Variants in DAB1 observed in about 807,000 individuals in gnomAD.
DAB1 encodes the protein DAB adaptor protein 1.
In DAB1, 15 loss-of-function variants were observed where a neutral mutation model predicts 64.6. That is an observed-to-expected ratio of 0.23 (90% CI 0.16 to 0.36). DAB1 has a LOEUF of 0.36. Among genes scored for constraint, DAB1 ranks in the 10% least tolerant of loss-of-function variants. The pLI, the probability that DAB1 is intolerant of heterozygous loss-of-function variation, is 1.00. For synonymous variants in DAB1, 235 were observed against 251.9 expected (o/e 0.93, Z 0.64); for missense variants, 596 against 706.7 (o/e 0.84, Z 1.78).
At chr1:58,395,290 A>C (rs149300807) in intron 3 of DAB1, among the ~76,000 whole-genome samples, 1 of 152,252 alleles carries the variant, frequency 6.6e-6, no homozygotes, top group East Asian at 1.9e-4. Flanking sequence ...TGTTTGAGGA[A>C]CTTTGAGAAA....
chr1:57,002,523 A>C (rs1317540554), intron 14 of DAB1, among the ~76,000 whole-genome samples: 4 of 152,224 alleles, frequency 2.6e-5, no homozygotes, highest in African/African-American at 9.6e-5. Context: ...AACAATACTT[A>C]TCTGGAAGGC....
intron 4 of DAB1, among the ~76,000 whole-genome samples, chr1:58,158,778 C>A (rs1036303327): frequency 1.4e-5 from 2 of 145,634 alleles, no homozygotes; most frequent in African/African-American, 5.0e-5. Context: ...CTGGAGAAAG[C>A]AGCCTCCTGC....
chr1:57,899,737 T>G (rs541612225), intron 5 of DAB1, among the ~76,000 whole-genome samples: 21 of 152,094 alleles, frequency 1.4e-4, no homozygotes, highest in African/African-American at 5.1e-4. Flanking sequence ...ATACTTTCAT[T>G]CACCTTTCTT....
intron 5 of DAB1, among the ~76,000 whole-genome samples, chr1:58,054,998 T>C (rs764236175): frequency 2.0e-5 from 3 of 152,174 alleles, no homozygotes; most frequent in Non-Finnish European, 4.4e-5. Context: ...AATACAAACA[T>C]TATCTTACCT....
chr1:57,450,863 G>A (rs1166327159), intron 7 of DAB1, among the ~76,000 whole-genome samples: 2 of 152,176 alleles, frequency 1.3e-5, no homozygotes, highest in Non-Finnish European at 2.9e-5. Context: ...GTGTCACAGA[G>A]CTTATCTCAC....
At chr1:58,012,732 G>A (rs1646685907) in intron 5 of DAB1, among the ~76,000 whole-genome samples, 1 of 152,148 alleles carries the variant, frequency 6.6e-6, no homozygotes, top group Non-Finnish European at 1.5e-5. Context: ...GCCCTCACCA[G>A]ACAACATATC....
chr1:57,977,991 A>G (rs1048421168), intron 5 of DAB1, among the ~76,000 whole-genome samples: 1 of 152,192 alleles, frequency 6.6e-6, no homozygotes, highest in Non-Finnish European at 1.5e-5. Context: ...CATACTGCCC[A>G]AAGTAATTTA....
chr1:58,280,712 A>AAGGAGG (rs766411306), intron 4 of DAB1, among the ~76,000 whole-genome samples: 1 of 152,106 alleles, frequency 6.6e-6, no homozygotes, highest in Admixed American at 6.6e-5. Flanking sequence ...TGTAATAAAG[A>AAGGAGG]AGGAGGAGGA....
intron 11 of DAB1, among the ~76,000 whole-genome samples, chr1:57,019,335 T>G (rs868607321): frequency 6.6e-6 from 1 of 152,080 alleles, no homozygotes; most frequent in South Asian, 2.1e-4. Flanking sequence ...TGGTGGCAGG[T>G]TTTTTTTCCC....
chr1:57,341,570 G>A (rs940425607), intron 1 of DAB1, among the ~76,000 whole-genome samples: 11 of 152,198 alleles, frequency 7.2e-5, no homozygotes, highest in African/African-American at 2.4e-4. Flanking sequence ...CAGGATTGGA[G>A]TGTATGTGTG....
Position 57,978,292 on chromosome 1 carries a change from C to G in DAB1, n.388-94130G>C, listed in dbSNP as rs12043832. Among the ~76,000 whole-genome samples the G allele has an allele frequency of 9.2e-3, 1,402 of 152,228 alleles. 71 individuals are homozygous for G. The East Asian group carries it at 0.14, about 15-fold the overall frequency. On this transcript the variant is annotated intron_variant and non_coding_transcript_variant, in intron 5 of 20. Coordinates refer to the DAB1 transcript ENST00000485760. The stretch of plus-strand genomic sequence containing the variant: ...CTACAACAATCTGATCTTTGACAAA[C>G]CTGAAACAAATAAGCAATGGGGAAA...
chr1:58,152,858 TAGAA>T (rs1456317984), intron 4 of DAB1, among the ~76,000 whole-genome samples: 1 of 152,204 alleles, frequency 6.6e-6, no homozygotes, highest in African/African-American at 2.4e-5. Context: ...CTGAGTTAGA[TAGAA>T]AGAGTTATGT....
At chr1:57,019,815 C>T (rs1280712963) in intron 11 of DAB1, among the ~76,000 whole-genome samples, 1 of 152,230 alleles carries the variant, frequency 6.6e-6, no homozygotes, top group Non-Finnish European at 1.5e-5. Flanking sequence ...TGAAAGGGAA[C>T]ACCTGCCTTG....
chr1:58,456,309 C>A (rs1024456897), intron 3 of DAB1, among the ~76,000 whole-genome samples: 5 of 152,200 alleles, frequency 3.3e-5, no homozygotes. Context: ...GGATTAGAAC[C>A]TGGATTGTCT....
intron 7 of DAB1, among the ~76,000 whole-genome samples, chr1:57,472,887 T>C (rs1687192529): frequency 6.6e-6 from 1 of 152,228 alleles, no homozygotes; most frequent in South Asian, 2.1e-4. Flanking sequence ...CACAAAGGAA[T>C]TGGATTCTGC....
intron 4 of DAB1, among the ~76,000 whole-genome samples, chr1:57,086,644 AACACACACACACACACAC>A (rs368060919): frequency 8.4e-6 from 1 of 118,530 alleles, no homozygotes; most frequent in African/African-American, 3.3e-5. Flanking sequence ...TTCTGTCTTA[AACACACACACACACACAC>A]ACACACACAC....
chr1:58,321,257 T>C (rs1233794863), intron 4 of DAB1, among the ~76,000 whole-genome samples: 2 of 152,256 alleles, frequency 1.3e-5, no homozygotes, highest in African/African-American at 2.4e-5. Flanking sequence ...CCTTCCTCTT[T>C]ATGCTGCAGC....
At chr1:57,379,995 A>G (rs147503080) in intron 1 of DAB1, among the ~76,000 whole-genome samples, 186 of 152,364 alleles carry the variant, frequency 1.2e-3, no homozygotes, top group Non-Finnish European at 1.5e-3. Context: ...TGTGTGGCAC[A>G]TAGTAAACAC....
At chr1:58,158,681 A>G (rs755902830) in intron 4 of DAB1, among the ~76,000 whole-genome samples, 1 of 152,226 alleles carries the variant, frequency 6.6e-6, no homozygotes, top group Non-Finnish European at 1.5e-5. Context: ...ACAGTCAGAC[A>G]GAGGTCTGTC....
Sources: allele counts gnomAD v4.1 joint callset (sites outside exome capture counted in the v4.1 genomes callset), GRCh38; gene constraint gnomAD v4.1.1; transcripts MANE v1.5; gene names NCBI Gene and HGNC (gene_info 2026-07-23, HGNC 2026-07-21).